SIRPB2: variants seen among roughly 807,000 people sequenced by gnomAD.
The protein encoded by SIRPB2 is signal regulatory protein beta 2.
A neutral mutation model predicts 27.1 loss-of-function variants in SIRPB2; 18 were observed. That is an observed-to-expected ratio of 0.66 (90% CI 0.46 to 0.98). SIRPB2 has a LOEUF of 0.98. SIRPB2 is among the 50% of genes least tolerant of loss of function. The pLI is 0.00. For missense variants in SIRPB2, 420 were observed against 417.4 expected (o/e 1.01, Z -0.06); for synonymous variants, 150 against 164.6 (o/e 0.91, Z 0.68).
intron 1 of SIRPB2, among the ~76,000 whole-genome samples, chr20:1,490,563 A>G (rs2090767638): frequency 2.0e-5 from 3 of 152,246 alleles, no homozygotes; most frequent in African/African-American, 7.2e-5. Context: ...AATCGCCAAG[A>G]GTTATCAAAT....
chr20:1,474,677 G>T lies in SIRPB2; in HGVS notation c.*1490C>A, dbSNP rs1184288755. The T allele has an allele frequency of 6.6e-6, 1 of 152,128 alleles. No homozygotes were observed. The highest frequency in any genetic ancestry group is 1.5e-5 in the Non-Finnish European group (1 of 68,098). 9.4% of individuals were successfully genotyped at this position (152,128 alleles called of 1,614,324 possible). Reference sequence around the variant, plus strand: ...CAGCCTCTGCCTCCCAGTTCAAGCGGTTCTCCTGCCCCATCCTCCCAAGTA... The same window carrying T: ...CAGCCTCTGCCTCCCAGTTCAAGCGTTTCTCCTGCCCCATCCTCCCAAGTA... On this transcript the variant is annotated 3_prime_UTR_variant, in exon 5 of 5. Coordinates refer to ENST00000359801, the MANE Select transcript of SIRPB2 (RefSeq NM_001122962.2).
chr20:1,486,261 C>T (rs1568649984), intron 1 of SIRPB2, among the ~76,000 whole-genome samples: 1 of 151,744 alleles, frequency 6.6e-6, no homozygotes. Context: ...TTGGTAGAGG[C>T]AGGGTTTCGC....
chr20:1,476,837 T>A (rs2090610367), intron 4 of SIRPB2: 1 of 1,089,472 alleles, frequency 9.2e-7, no homozygotes, highest in South Asian at 2.5e-5. Context: ...TGAGATGTGC[T>A]AGGCACAGTT....
At chr20:1,476,667 G>A in intron 4 of SIRPB2, 1 of 1,024,586 alleles carries the variant, frequency 9.8e-7, no homozygotes, top group South Asian at 3.5e-5. Context: ...CCCAGAGTGG[G>A]GAAATGATTT....
rs371354125 is a variant in SIRPB2, at chr20:1,478,438, A to G, written c.621T>C (p.Phe207=). Residue 207 remains phenylalanine (F), a synonymous_variant, in exon 3 of 5, where the codon TTT becomes TTC. Transcript: ENST00000359801. The part of the protein sequence containing the change: ...AGLSREAIYN[F]GGISHPKETA... ...TCTCCTTGGGGTGGGAGATGCCTCCAAAGTTGTAAATGGCCTCCCGGCTCA... is the reference window on the plus strand; with the variant it reads ...TCTCCTTGGGGTGGGAGATGCCTCCGAAGTTGTAAATGGCCTCCCGGCTCA... 9.2e-5 allele frequency: 148 copies of G among 1,614,074 alleles called. No individual in the cohort carries two copies. Among genetic ancestry groups the G allele is most frequent in the Non-Finnish European group, 1.2e-4 (142 of 1,180,046 alleles).
chr20:1,479,865 T>C lies in SIRPB2; in HGVS notation c.286A>G (p.Met96Val), dbSNP rs780511254. 1 of 1,614,240 alleles carries C rather than the reference T, an allele frequency of 6.2e-7. No homozygotes were observed. Among genetic ancestry groups the C allele is most frequent in the Non-Finnish European group, 8.5e-7 (1 of 1,180,054 alleles). Residue 96 changes from methionine (M) to valine (V), a missense_variant, in exon 2 of 5, where the codon ATG becomes GTG. By Grantham distance (21) the Met-to-Val change is conservative. Transcript: ENST00000359801. ...TCTGATGTCCGTTGGATCATGGGCATTACCCCAGGGAAGGAGCCACGTTTA... is the reference window on the plus strand; with the variant it reads ...TCTGATGTCCGTTGGATCATGGGCACTACCCCAGGGAAGGAGCCACGTTTA... ...NFKRGSFPGVMPMIQRTSEPL... is the reference protein window; with the variant it reads ...NFKRGSFPGVVPMIQRTSEPL...
intron 1 of SIRPB2, among the ~76,000 whole-genome samples, chr20:1,484,907 A>G (rs1274551324): frequency 6.6e-6 from 1 of 152,322 alleles, no homozygotes; most frequent in African/African-American, 2.4e-5. Context: ...CTATTTGGCT[A>G]TAAAAACAAA....
At chr20:1,471,019 C>G (rs2090579847), downstream of SIRPB2, 2 of 152,230 alleles carry the variant, frequency 1.3e-5, no homozygotes, top group African/African-American at 2.4e-5. Context: ...CCACTCCTTT[C>G]TAGGAACGTA....
chr20:1,488,573 G>A (rs745423281), intron 1 of SIRPB2, among the ~76,000 whole-genome samples: 18 of 152,024 alleles, frequency 1.2e-4, no homozygotes, highest in Non-Finnish European at 1.5e-4. Flanking sequence ...GCTTGAGCCA[G>A]GGAGATGGAG....
At chr20:1,474,086 A>T (rs1216976942), downstream of SIRPB2, among the ~76,000 whole-genome samples, 1 of 152,122 alleles carries the variant, frequency 6.6e-6, no homozygotes, top group Non-Finnish European at 1.5e-5. Context: ...TCTCTTCTAC[A>T]TCGAAGATCC....
downstream of SIRPB2, among the ~76,000 whole-genome samples, chr20:1,474,299 G>A (rs1300899729): frequency 6.6e-6 from 1 of 152,182 alleles, no homozygotes; most frequent in African/African-American, 2.4e-5. Flanking sequence ...TATCTTTGGG[G>A]TGGGGGTTAG....
chr20:1,479,895 TA>T lies in SIRPB2; in HGVS notation c.255del (p.Tyr85Ter). On this transcript the variant is annotated frameshift_variant, in exon 2 of 5. Transcript: ENST00000359801. LOFTEE classifies it high-confidence loss of function. ...CCAGGGAAGGAGCCACGTTTAAAGTTATAAATTTCCTGTTGGTCCTGAGTGC... is the reference window on the plus strand; with the variant it reads ...CCAGGGAAGGAGCCACGTTTAAAGTTTAAATTTCCTGTTGGTCCTGAGTGC... Reference protein sequence around the residue: ...KVSTQDQQEIYNFKRGSFPGV... With the variant: ...KVSTQDQQEIXNFKRGSFPGV... 6.2e-7 allele frequency: 1 copy of T among 1,614,206 alleles called. No homozygotes were observed. The highest frequency in any genetic ancestry group is 2.2e-5 in the East Asian group (1 of 44,890).
intron 2 of SIRPB2, chr20:1,479,070 A>G (rs776880956): frequency 1.2e-5 from 2 of 166,142 alleles, no homozygotes; most frequent in Non-Finnish European, 2.6e-5. Flanking sequence ...TAATCACCCG[A>G]ATGACCCTTG....
chr20:1,476,204 G>C lies in SIRPB2; in HGVS notation c.992C>G (p.Ala331Gly), dbSNP rs754851849. The change falls in exon 5 of 5, where the codon GCC becomes GGC. Residue 331 changes from alanine to glycine, a missense_variant. Ala to Gly is a moderately conservative substitution (Grantham distance 60). Coordinates refer to ENST00000359801, the MANE Select transcript of SIRPB2 (RefSeq NM_001122962.2). ...EDVKTTGPAG[A>G]MNTLAWSKGQ... ...CTTGCTCCATGCTAAGGTGTTCATG[G>C]CTCCTGCTGGGCCTGTGGTCTTGAC... 6.2e-7 allele frequency: 1 copy of C among 1,614,038 alleles called. No homozygotes were observed. The highest frequency in any genetic ancestry group is 8.5e-7 in the Non-Finnish European group (1 of 1,179,984).
In SIRPB2 at chr20:1,475,526, G is replaced by C. The variant is rs2090598843; in HGVS notation, c.*641C>G. ...TTCCAGTCTGGCTGCCTAGAAGGTG[G>C]ACCTGGTAGCAATGAGATCAGTGAA... On this transcript the variant is annotated 3_prime_UTR_variant, in exon 5 of 5. Coordinates refer to ENST00000359801, the MANE Select transcript of SIRPB2 (RefSeq NM_001122962.2). 1 of 152,216 alleles carries C rather than the reference G, an allele frequency of 6.6e-6. No individual in the cohort carries two copies. Among genetic ancestry groups the C allele is most frequent in the South Asian group, 2.1e-4 (1 of 4,828 alleles). 9.4% of individuals were successfully genotyped at this position (152,216 alleles called of 1,614,324 possible).
intron 1 of SIRPB2, among the ~76,000 whole-genome samples, chr20:1,482,447 G>A (rs969427526): frequency 2.0e-5 from 3 of 151,806 alleles, no homozygotes; most frequent in Non-Finnish European, 2.9e-5. Flanking sequence ...TTCTACTTCC[G>A]TGAGATCATT....
At chr20:1,479,473 T>G in intron 2 of SIRPB2, 10 of 633,470 alleles carry the variant, frequency 1.6e-5, no homozygotes, top group East Asian at 2.8e-5. Context: ...GCCATCTTTA[T>G]GAGAAAACAT....
chr20:1,489,302 CA>C (rs149007611), intron 1 of SIRPB2, among the ~76,000 whole-genome samples: 87 of 151,928 alleles, frequency 5.7e-4, no homozygotes, highest in South Asian at 2.1e-3. Flanking sequence ...CCAGCACTCA[CA>C]AAAAAAACTT....
chr20:1,475,970 G>C lies in SIRPB2; in HGVS notation c.*197C>G. The C allele has an allele frequency of 1.7e-6, 1 of 590,916 alleles. No individual in the cohort carries two copies. The allele number at this position is 590,916 out of a possible 1,614,324, so 36.6% of individuals were successfully genotyped here. A position where few individuals can be genotyped will look rare whatever the true frequency, so the allele number is the denominator to read the frequency against. Reference sequence around the variant, plus strand: ...AAGGAGGTCTTGAACAGGCCAAAAAGAGAAAGGGAGACATTTTAGAGGGAA... The same window carrying C: ...AAGGAGGTCTTGAACAGGCCAAAAACAGAAAGGGAGACATTTTAGAGGGAA... On this transcript the variant is annotated 3_prime_UTR_variant, in exon 5 of 5. Transcript: ENST00000359801.
Sources: gnomAD v4.1 joint callset for allele counts (sites outside exome capture counted in the v4.1 genomes callset) on GRCh38, gnomAD v4.1.1 for gene constraint, MANE v1.5 for transcripts, NCBI Gene and HGNC (gene_info 2026-07-23, HGNC 2026-07-21) for gene names.